The following HMCN1 variants were observed in gnomAD, a reference collection of about 807,000 sequenced individuals.
HMCN1 encodes the protein hemicentin-1.
A neutral mutation model predicts 625.9 loss-of-function variants in HMCN1; 321 were observed. That is an observed-to-expected ratio of 0.51 (90% CI 0.47 to 0.56). The LOEUF is 0.56. Among genes scored for constraint, HMCN1 ranks in the 20% least tolerant of loss-of-function variants. The pLI is 0.00. For missense variants in HMCN1, 6,588 were observed against 6,887.3 expected (o/e 0.96, Z 1.54); for synonymous variants, 2,425 against 2,417.6 (o/e 1.00, Z -0.09).
At position 185,987,497 on chromosome 1, in the gene HMCN1, C is replaced by A. The variant is rs370029491; in HGVS notation, c.3001C>A (p.Pro1001Thr). 6.2e-7 allele frequency: 1 copy of A among 1,613,702 alleles called. No homozygotes were observed. Among genetic ancestry groups the A allele is most frequent in the South Asian group, 1.1e-5 (1 of 91,080 alleles). Residue 1001 changes from proline to threonine, a missense_variant, in exon 20 of 107, where the codon CCA (proline) becomes ACA (threonine). Coordinates refer to ENST00000271588, the MANE Select transcript of HMCN1 (RefSeq NM_031935.3). ...AATTGAAGGCATTCCAGTAACTTTACCATGCAAAGCAAGTGGAAATCCCAA... is the reference window on the plus strand; with the variant it reads ...AATTGAAGGCATTCCAGTAACTTTAACATGCAAAGCAAGTGGAAATCCCAA... ...STIEGIPVTLPCKASGNPKPS... is the reference protein window; with the variant it reads ...STIEGIPVTLTCKASGNPKPS...
Position 186,007,212 on chromosome 1 carries a change from G to A in HMCN1, c.4560G>A (p.Lys1520=). Residue 1520 remains lysine, a synonymous_variant, in exon 30 of 107, where the codon AAG becomes AAA. Coordinates refer to ENST00000271588, the MANE Select transcript of HMCN1 (RefSeq NM_031935.3). ...TAAAGAATGCACGGAGAAATGACAAGGGGCGCTACCAATGTACTGTGTCTA... is the reference window on the plus strand; with the variant it reads ...TAAAGAATGCACGGAGAAATGACAAAGGGCGCTACCAATGTACTGTGTCTA... ...LHLKNARRND[K]GRYQCTVSNA... is the part of the protein sequence containing the mutation. The A allele has an allele frequency of 6.2e-7, 1 of 1,613,494 alleles. No individual in the cohort carries two copies. Among genetic ancestry groups the A allele is most frequent in the Non-Finnish European group, 8.5e-7 (1 of 1,179,542 alleles).
chr1:185,830,636 A>G (rs1029598880), intron 1 of HMCN1, among the ~76,000 whole-genome samples: 1 of 152,086 alleles, frequency 6.6e-6, no homozygotes, highest in Non-Finnish European at 1.5e-5. Flanking sequence ...TGTTTTGTGT[A>G]ACCCCAGCAC....
intron 11 of HMCN1, among the ~76,000 whole-genome samples, chr1:185,950,690 C>T (rs1668607302): frequency 6.6e-6 from 1 of 151,804 alleles, no homozygotes; most frequent in Non-Finnish European, 1.5e-5. Context: ...AGGTAATTTG[C>T]TGAGCTTGAT....
At chr1:186,126,356 G>A (rs1339266014) in intron 82 of HMCN1, among the ~76,000 whole-genome samples, 1 of 151,950 alleles carries the variant, frequency 6.6e-6, no homozygotes, top group Non-Finnish European at 1.5e-5. Flanking sequence ...GAATACATCA[G>A]GGAACAAAAG....
chr1:186,060,390 T>C (rs1375296116), intron 46 of HMCN1, among the ~76,000 whole-genome samples: 1 of 152,082 alleles, frequency 6.6e-6, no homozygotes, highest in African/African-American at 2.4e-5. Flanking sequence ...TACTTTTTTG[T>C]TGGACCTTAC....
At chr1:185,933,966 C>T in intron 11 of HMCN1, 142 bp downstream of exon 11, 1 of 781,884 alleles carries the variant, frequency 1.3e-6, no homozygotes, top group Non-Finnish European at 2.2e-6. Context: ...GCTTAACATA[C>T]TCAGTGGTCT....
At chr1:186,135,746 A>G (rs1340708782) in intron 86 of HMCN1, among the ~76,000 whole-genome samples, 3 of 152,150 alleles carry the variant, frequency 2.0e-5, no homozygotes, top group East Asian at 1.9e-4. Context: ...TACTTTCTTA[A>G]TAATTCTTGG....
intron 46 of HMCN1, among the ~76,000 whole-genome samples, chr1:186,058,510 T>C (rs958140216): frequency 6.6e-6 from 1 of 151,898 alleles, no homozygotes; most frequent in Non-Finnish European, 1.5e-5. Flanking sequence ...ATGTCTGTAT[T>C]TAACCTGGAA....
intron 1 of HMCN1, among the ~76,000 whole-genome samples, chr1:185,746,605 CT>C (rs59992589): frequency 1.7e-3 from 221 of 132,280 alleles, no homozygotes; most frequent in South Asian, 3.8e-3. Flanking sequence ...TTTCCTTTTC[CT>C]TTTTTTTTTT....
intron 1 of HMCN1, among the ~76,000 whole-genome samples, chr1:185,779,168 C>T (rs958586937): frequency 3.3e-5 from 5 of 152,120 alleles, no homozygotes; most frequent in Admixed American, 1.3e-4. Context: ...CTGTTCATAT[C>T]CTTCGCCCAC....
chr1:186,034,245 T>G (rs1331823950), intron 36 of HMCN1, among the ~76,000 whole-genome samples: 1 of 152,172 alleles, frequency 6.6e-6, no homozygotes, highest in African/African-American at 2.4e-5. Flanking sequence ...GGGAACAGAT[T>G]CTTCTCTAGA....
At chr1:186,096,132 C>T (rs1213967167) in intron 68 of HMCN1, among the ~76,000 whole-genome samples, 2 of 152,118 alleles carry the variant, frequency 1.3e-5, no homozygotes, top group Non-Finnish European at 1.5e-5. Flanking sequence ...TTGTTTTTCT[C>T]ACTGTGAAGT....
intron 105 of HMCN1, among the ~76,000 whole-genome samples, chr1:186,185,576 A>G (rs940670779): frequency 2.0e-5 from 3 of 152,240 alleles, no homozygotes; most frequent in Admixed American, 2.0e-4. Context: ...ACATATAACT[A>G]ACTAAAAAGT....
At chr1:185,896,217 T>A (rs1320524956) in intron 4 of HMCN1, among the ~76,000 whole-genome samples, 1 of 152,206 alleles carries the variant, frequency 6.6e-6, no homozygotes, top group African/African-American at 2.4e-5. Context: ...ATTATAGGCA[T>A]GAGCCACCGC....
rs148167627 is a variant in HMCN1 at position 186,103,160 on chromosome 1, G to A, written c.10574-312G>A. 4.0e-3 allele frequency among the ~76,000 whole-genome samples: 613 copies of A among 152,010 alleles called. 4 individuals are homozygous for A. Among genetic ancestry groups the A allele is most frequent in the African/African-American group, 0.013 (547 of 41,506 alleles). On this transcript the variant is annotated intron_variant, in intron 68 of 106. Transcript: ENST00000271588. ...TAAAAAAAAAAGTGGTACAAGCTGC[G>A]TTTGGTTTTTATTGTTTTCAAATCT...
chr1:186,079,512 G>T (rs988440242), intron 55 of HMCN1, among the ~76,000 whole-genome samples: 2 of 152,118 alleles, frequency 1.3e-5, no homozygotes, highest in Non-Finnish European at 2.9e-5. Flanking sequence ...TACACAAACA[G>T]GTTATATAAC....
chr1:185,839,456 G>A (rs866699066), intron 1 of HMCN1, among the ~76,000 whole-genome samples: 1 of 152,232 alleles, frequency 6.6e-6, no homozygotes, highest in Admixed American at 6.5e-5. Context: ...GACTTAAAAT[G>A]TATCTTCTCT....
intron 2 of HMCN1, among the ~76,000 whole-genome samples, chr1:185,848,948 T>C (rs1186738560): frequency 6.6e-6 from 1 of 152,164 alleles, no homozygotes. Flanking sequence ...TTCTTGCATT[T>C]ATTCTTGCTT....
chr1:185,888,394 C>A (rs1314085456), intron 4 of HMCN1, among the ~76,000 whole-genome samples: 3 of 144,696 alleles, frequency 2.1e-5, no homozygotes, highest in Non-Finnish European at 2.9e-5. Flanking sequence ...ATGCGTATGT[C>A]CTGAATGGTA....
Sources: allele counts gnomAD v4.1 joint callset (sites outside exome capture counted in the v4.1 genomes callset), GRCh38; gene constraint gnomAD v4.1.1; transcripts MANE v1.5; gene names NCBI Gene and HGNC (gene_info 2026-07-23, HGNC 2026-07-21).